Variants in CRMP1 observed in about 807,000 individuals in gnomAD.
The protein encoded by CRMP1 is dihydropyrimidinase-related protein 1.
Under a neutral mutation model 68.3 loss-of-function variants are expected in CRMP1, and 19 were observed. The ratio of observed to expected loss-of-function variants is 0.28; its 90% CI spans 0.19 to 0.41. The LOEUF is 0.41. Among genes scored for constraint, CRMP1 ranks in the 10% least tolerant of loss-of-function variants. The pLI, the probability that CRMP1 is intolerant of heterozygous loss-of-function variation, is 1.00. For missense variants in CRMP1, 791 were observed against 967.4 expected (o/e 0.82, Z 2.42); for synonymous variants, 439 against 399.6 (o/e 1.10, Z -1.18).
intron 1 of CRMP1, among the ~76,000 whole-genome samples, chr4:5,878,806 T>A (rs1715029024): frequency 6.6e-6 from 1 of 152,044 alleles, no homozygotes; most frequent in Non-Finnish European, 1.5e-5. Flanking sequence ...GTGCCTTATT[T>A]TTTTTTTTAA....
chr4:5,849,633 G>C (rs1712475379), intron 5 of CRMP1, among the ~76,000 whole-genome samples, 161 bp from the exon 6 acceptor site: 1 of 152,186 alleles, frequency 6.6e-6, no homozygotes. Context: ...ACACAAGTCA[G>C]ACTTGGAAGG....
rs550183461 is a variant in CRMP1 at position 5,841,113 on chromosome 4, G to A, written c.1153+195C>T. On this transcript the variant is annotated intron_variant, in intron 8 of 13. Transcript: ENST00000324989. This position sits in a 1 kb window ranked among gnomAD's most constrained non-coding sequence, Gnocchi z 6.9. ...TAAAATTCTCTTTAAATGGAGCTGA[G>A]CTTATCGAGGTGAATATCCTAAGGT... Among the ~76,000 whole-genome samples the A allele has an allele frequency of 2.0e-5, 3 of 152,264 alleles. No homozygotes were observed. The South Asian group carries it at 6.2e-4, about 32-fold the overall frequency.
intron 11 of CRMP1, among the ~76,000 whole-genome samples, chr4:5,829,922 C>T (rs948092582): frequency 3.0e-4 from 45 of 152,304 alleles, no homozygotes; most frequent in African/African-American, 8.9e-4. Flanking sequence ...GGATTTTCAT[C>T]TTTGACAGAT....
At chr4:5,849,104 TGGA>T (rs1027490560) in intron 6 of CRMP1, among the ~76,000 whole-genome samples, 4 of 152,192 alleles carry the variant, frequency 2.6e-5, no homozygotes, top group African/African-American at 9.7e-5. Context: ...GGCTAGGAGA[TGGA>T]GGAGACTGGC....
At position 5,866,085 on chromosome 4, in the gene CRMP1, C is replaced by T. The variant is rs1713978446; in HGVS notation, c.470+583G>A. 1.3e-5 allele frequency among the ~76,000 whole-genome samples: 2 copies of T among 152,188 alleles called. No homozygotes were observed. Among genetic ancestry groups the T allele is most frequent in the Non-Finnish European group, 2.9e-5 (2 of 68,034 alleles). On this transcript the variant is annotated intron_variant, in intron 2 of 13. Coordinates refer to ENST00000324989, the MANE Select transcript of CRMP1 (RefSeq NM_001014809.3). This position sits in a 1 kb window ranked among gnomAD's most constrained non-coding sequence, Gnocchi z 5.9. ...TGGCATTCCATTCCGGCAGCCAGCG[C>T]TGGCTAAGACACCTGGGTTGTCATA...
intron 13 of CRMP1, among the ~76,000 whole-genome samples, chr4:5,823,335 A>G (rs1259545826): frequency 6.6e-6 from 1 of 152,194 alleles, no homozygotes; most frequent in Non-Finnish European, 1.5e-5. Flanking sequence ...TTCTTGCAAT[A>G]CAAGTCTCCC....
chr4:5,884,540 C>A (rs1300717875), intron 1 of CRMP1, among the ~76,000 whole-genome samples: 1 of 151,980 alleles, frequency 6.6e-6, no homozygotes, highest in Non-Finnish European at 1.5e-5. Context: ...CCTATCCTCC[C>A]TGCTTGAATG....
rs1189739862 is a variant in CRMP1 at position 5,886,938 on chromosome 4, C to T, written c.381+5651G>A. 2.0e-5 allele frequency among the ~76,000 whole-genome samples: 3 copies of T among 152,194 alleles called. 1 individual carries two copies. The highest frequency in any genetic ancestry group is 1.3e-4 in the Admixed American group (2 of 15,284). ...GTGGTGCCCACCCTCTGGATGGGGG[C>T]TTGGCAGAGGCCTGCTGACAAGAGC... On this transcript the variant is annotated intron_variant, in intron 1 of 13. Coordinates refer to ENST00000324989, the MANE Select transcript of CRMP1 (RefSeq NM_001014809.3).
Position 5,887,501 on chromosome 4 carries a change from C to G in CRMP1, c.381+5088G>C, listed in dbSNP as rs189667731. On this transcript the variant is annotated intron_variant, in intron 1 of 13. Coordinates refer to ENST00000324989, the MANE Select transcript of CRMP1 (RefSeq NM_001014809.3). ...CCGCTGCGCCCTCAGCTCCCCACCC[C>G]GAGACAAAGCGTAAAGACGGGGATT... is the stretch of plus-strand genomic sequence containing the variant. 1.0e-5 allele frequency: 10 copies of G among 985,004 alleles called. No individual in the cohort carries two copies. In the African/African-American group the frequency reaches 1.0e-4, roughly 10 times the overall value. The allele number at this position is 985,004 out of a possible 1,614,324, so 61.0% of individuals were successfully genotyped here. A position where few individuals can be genotyped will look rare whatever the true frequency, so the allele number is the denominator to read the frequency against.
rs1024616937 is a variant in CRMP1 at position 5,824,506 on chromosome 4, C to G, written c.1969+988G>C. 3.0e-6 allele frequency: 3 copies of G among 985,012 alleles called. No individual in the cohort carries two copies. In the African/African-American group the frequency reaches 5.2e-5, roughly 17 times the overall value. The allele number at this position is 985,012 out of a possible 1,614,324, so 61.0% of individuals were successfully genotyped here. A position where few individuals can be genotyped will look rare whatever the true frequency, so the allele number is the denominator to read the frequency against. On this transcript the variant is annotated intron_variant, in intron 13 of 13. Coordinates refer to ENST00000324989, the MANE Select transcript of CRMP1 (RefSeq NM_001014809.3). ...ATCCTCTCTCTCTCTCTCTCTTTGC[C>G]CCTTCCACTCTCTCTTTTGCTAAGC...
intron 1 of CRMP1, among the ~76,000 whole-genome samples, chr4:5,873,674 C>T (rs1285546937): frequency 3.9e-5 from 6 of 152,198 alleles, no homozygotes; most frequent in Non-Finnish European, 5.9e-5. Context: ...CCAGACCCCA[C>T]CTCCAATACT....
chr4:5,829,612 T>C (rs893814238), intron 11 of CRMP1, among the ~76,000 whole-genome samples: 43 of 152,350 alleles, frequency 2.8e-4, no homozygotes, highest in African/African-American at 1.0e-3. Context: ...TTCTTCTGTA[T>C]CTCTAAGTAT....
Position 5,888,550 on chromosome 4 carries a change from G to T in CRMP1, c.381+4039C>A, listed in dbSNP as rs1182039821. Reference sequence around the variant, plus strand: ...GAGGGGGCTGCAGACAGCTCCTCCCGGCGGCGCGGAGCGAAGCCGGATTCG... The same window carrying T: ...GAGGGGGCTGCAGACAGCTCCTCCCTGCGGCGCGGAGCGAAGCCGGATTCG... On this transcript the variant is annotated intron_variant, in intron 1 of 13. Coordinates refer to ENST00000324989, the MANE Select transcript of CRMP1 (RefSeq NM_001014809.3). This position sits in a 1 kb window ranked among gnomAD's most constrained non-coding sequence, Gnocchi z 6.4. The T allele has an allele frequency of 4.4e-6, 5 of 1,143,910 alleles. No homozygotes were observed. Among genetic ancestry groups the T allele is most frequent in the Non-Finnish European group, 5.4e-6 (5 of 931,756 alleles). The allele number at this position is 1,143,910 out of a possible 1,614,324, so 70.9% of individuals were successfully genotyped here.
intron 12 of CRMP1, among the ~76,000 whole-genome samples, chr4:5,827,123 G>C (rs147572430): frequency 2.0e-5 from 3 of 152,186 alleles, no homozygotes; most frequent in African/African-American, 7.2e-5. Flanking sequence ...GGGACCCCCC[G>C]ATCCTATTGC....
In CRMP1 at chr4:5,889,766, G is replaced by A; in HGVS notation, c.381+2823C>T. ...TTGGTACAGCTCCCCCAGCACTGTG[G>A]TTGGGGGCTGGGGCCCTGACCTTCA... On this transcript the variant is annotated intron_variant, in intron 1 of 13. Transcript: ENST00000324989. This position sits in a 1 kb window ranked among gnomAD's most constrained non-coding sequence, Gnocchi z 4.5. 6.5e-7 allele frequency: 1 copy of A among 1,533,366 alleles called. No homozygotes were observed. The highest frequency in any genetic ancestry group is 8.7e-7 in the Non-Finnish European group (1 of 1,144,896). 95.0% of individuals were successfully genotyped at this position (1,533,366 alleles called of 1,614,324 possible).
At chr4:5,873,209 G>A (rs1001947531) in intron 1 of CRMP1, among the ~76,000 whole-genome samples, 2 of 152,172 alleles carry the variant, frequency 1.3e-5, no homozygotes, top group Admixed American at 1.3e-4. Context: ...GGGCCACAGA[G>A]CATGGAGGCA....
intron 12 of CRMP1, among the ~76,000 whole-genome samples, chr4:5,827,717 A>G (rs975737294): frequency 2.1e-5 from 3 of 140,300 alleles, no homozygotes; most frequent in Non-Finnish European, 3.1e-5. Flanking sequence ...GCATAGACAT[A>G]CACACATGTG....
intron 10 of CRMP1, among the ~76,000 whole-genome samples, chr4:5,836,362 G>A (rs1720723648): frequency 1.3e-5 from 2 of 152,142 alleles, no homozygotes; most frequent in Admixed American, 1.3e-4. Flanking sequence ...AAAAACCTTT[G>A]GTTTCAGGTC....
chr4:5,893,056 T>C lies in CRMP1; in HGVS notation c.-87A>G. 4.5e-6 allele frequency: 4 copies of C among 896,596 alleles called. No individual in the cohort carries two copies. Among genetic ancestry groups the C allele is most frequent in the Non-Finnish European group, 4.0e-6 (3 of 746,760 alleles). 55.5% of individuals were successfully genotyped at this position (896,596 alleles called of 1,614,324 possible). On this transcript the variant is annotated 5_prime_UTR_variant, in exon 1 of 14. Coordinates refer to ENST00000324989, the MANE Select transcript of CRMP1 (RefSeq NM_001014809.3). Reference sequence around the variant, plus strand: ...CCGTGCGCCGCGCTCCGCGCCTCGGTGCGGGCCTGCGGCGGCCCGGGCGCG... The same window carrying C: ...CCGTGCGCCGCGCTCCGCGCCTCGGCGCGGGCCTGCGGCGGCCCGGGCGCG...
Sources: gnomAD v4.1 joint callset for allele counts (sites outside exome capture counted in the v4.1 genomes callset) on GRCh38, gnomAD v4.1.1 for gene constraint, Gnocchi (gnomAD v3.1) non-coding constraint, MANE v1.5 for transcripts, NCBI Gene and HGNC (gene_info 2026-07-23, HGNC 2026-07-21) for gene names.